The following EFCAB5 variants were observed in gnomAD, a reference collection of about 807,000 sequenced individuals.
EFCAB5 encodes the protein EF-hand calcium binding domain 5.
Under a neutral mutation model 167.9 loss-of-function variants are expected in EFCAB5, and 131 were observed. The observed-to-expected ratio is 0.78, with a 90% confidence interval of 0.68 to 0.90. The LOEUF is 0.90. EFCAB5 is among the 40% of genes least tolerant of loss of function. EFCAB5 has a pLI of 0.00. For synonymous variants in EFCAB5, 574 were observed against 602.8 expected (o/e 0.95, Z 0.70); for missense variants, 1,663 against 1,745.2 (o/e 0.95, Z 0.84).
At chr17:29,990,839 C>G (rs758781700) in intron 4 of EFCAB5, among the ~76,000 whole-genome samples, 1 of 152,158 alleles carries the variant, frequency 6.6e-6, no homozygotes, top group Non-Finnish European at 1.5e-5. Flanking sequence ...CGAGGTGCTG[C>G]TCGAACAGTC....
chr17:30,057,802 C>T lies in EFCAB5; in HGVS notation c.2492C>T (p.Ala831Val). ...CTGGAGACATTTGTTGGTGAAGACGCTCCCTTGAGTGTCAGCGAGACTCTC... is the reference window on the plus strand; with the variant it reads ...CTGGAGACATTTGTTGGTGAAGACGTTCCCTTGAGTGTCAGCGAGACTCTC... Reference protein sequence around the residue: ...QLLETFVGEDAPLSVSETLTS... With the variant: ...QLLETFVGEDVPLSVSETLTS... The change falls in exon 13 of 23, where the codon GCT (alanine) becomes GTT (valine). Residue 831 changes from alanine to valine, a missense_variant. Ala to Val is a moderately conservative substitution (Grantham distance 64). Transcript: ENST00000394835. The T allele has an allele frequency of 1.2e-6, 2 of 1,613,812 alleles. No homozygotes were observed. The highest frequency in any genetic ancestry group is 1.7e-6 in the Non-Finnish European group (2 of 1,179,784).
chr17:30,064,058 A>ACGCCTGTAATCCCAGCACTTTGGGAGGC (rs2070496378), intron 14 of EFCAB5, among the ~76,000 whole-genome samples: 2 of 151,962 alleles, frequency 1.3e-5, no homozygotes, highest in African/African-American at 4.8e-5. Context: ...ATTGGAAGAG[A>ACGCCTGTAATCCCAGCACTTTGGGAGGC]CAATTGTTCC....
At chr17:29,961,378 T>C (rs2067716751) in intron 3 of EFCAB5, among the ~76,000 whole-genome samples, 1 of 152,232 alleles carries the variant, frequency 6.6e-6, no homozygotes, top group South Asian at 2.1e-4. Context: ...GTTATATGCT[T>C]TACAAATATT....
chr17:30,048,493 T>C (rs2151767153), intron 8 of EFCAB5, among the ~76,000 whole-genome samples: 1 of 148,322 alleles, frequency 6.7e-6, no homozygotes, highest in South Asian at 2.1e-4. Context: ...GGATACTTCT[T>C]TTTTTTTTTT....
chr17:30,042,951 A>T (rs2069814742), intron 8 of EFCAB5, among the ~76,000 whole-genome samples: 1 of 152,180 alleles, frequency 6.6e-6, no homozygotes, highest in Non-Finnish European at 1.5e-5. Context: ...AGGATCAAAT[A>T]GAGCTTAATC....
intron 7 of EFCAB5, among the ~76,000 whole-genome samples, chr17:30,009,499 GTT>G (rs1463665097): frequency 6.6e-6 from 1 of 152,052 alleles, no homozygotes; most frequent in African/African-American, 2.4e-5. Context: ...GTGGTCTTTT[GTT>G]TTTGGCTTCT....
At position 30,059,686 on chromosome 17, in the gene EFCAB5, G is replaced by C. The variant is rs1194630533; in HGVS notation, c.2722G>C (p.Glu908Gln). 1 of 1,589,594 alleles carries C rather than the reference G, an allele frequency of 6.3e-7. No individual in the cohort carries two copies. Among genetic ancestry groups the C allele is most frequent in the Non-Finnish European group, 8.6e-7 (1 of 1,167,722 alleles). The change falls in exon 14 of 23, where the codon GAA (glutamate) becomes CAA (glutamine). Residue 908 changes from glutamate (E) to glutamine (Q), a missense_variant. By Grantham distance (29) the Glu-to-Gln change is conservative. Transcript: ENST00000394835. ...CACATACAAGGAGGGAATGGAAAAA[G>C]AATCTATGAAGAAAGGTAAAATATA... ...LYTYKEGMEK[E>Q]SMKKAKLHIQ...
chr17:30,017,741 A>G (rs1225485691), intron 7 of EFCAB5, among the ~76,000 whole-genome samples: 2 of 152,160 alleles, frequency 1.3e-5, no homozygotes, highest in Non-Finnish European at 2.9e-5. Context: ...ACCATAAAAG[A>G]TGAGAGTATT....
chr17:29,980,854 T>G (rs183540482), intron 4 of EFCAB5, among the ~76,000 whole-genome samples: 1 of 152,310 alleles, frequency 6.6e-6, no homozygotes, highest in Non-Finnish European at 1.5e-5. Flanking sequence ...CATAAGCACC[T>G]CAGTTTCAAG....
In EFCAB5 at chr17:30,090,428, C is replaced by T. The variant is rs761469105; in HGVS notation, c.3691C>T (p.Leu1231Phe). Residue 1231 changes from leucine (L) to phenylalanine (F), a missense_variant, in exon 20 of 23, where the codon CTC becomes TTC. Transcript: ENST00000394835. ...HRKSCIFRDF[L>F]FKCTDSSEVV... ...ATTTGGTTTTGATTTCAGAGATTTC[C>T]TCTTTAAATGTACTGACAGTTCAGA... 21 of 1,610,364 alleles carry T rather than the reference C, an allele frequency of 1.3e-5. No homozygotes were observed. The highest frequency in any genetic ancestry group is 1.7e-5 in the Non-Finnish European group (20 of 1,178,648).
intron 8 of EFCAB5, among the ~76,000 whole-genome samples, chr17:30,047,089 G>A (rs1045681076): frequency 6.6e-6 from 1 of 152,120 alleles, no homozygotes; most frequent in Admixed American, 6.5e-5. Flanking sequence ...TATATACTTA[G>A]CAGTAACATT....
chr17:30,047,356 C>T (rs564239894), intron 8 of EFCAB5, among the ~76,000 whole-genome samples: 1 of 152,118 alleles, frequency 6.6e-6, no homozygotes, highest in Non-Finnish European at 1.5e-5. Context: ...ACGAGGGGAG[C>T]ACCAATATCA....
At chr17:29,955,035 G>A (rs577124360) in intron 3 of EFCAB5, among the ~76,000 whole-genome samples, 87 of 152,342 alleles carry the variant, frequency 5.7e-4, no homozygotes, top group African/African-American at 1.9e-3. Context: ...CCCAATGCCT[G>A]TACCCCCATT....
chr17:30,070,949 C>CAAAAA (rs35019863), intron 14 of EFCAB5, among the ~76,000 whole-genome samples: 15 of 60,166 alleles, frequency 2.5e-4, no homozygotes, highest in Admixed American at 5.0e-4. Context: ...GATTCCATCT[C>CAAAAA]AAAAAAAAAA....
At chr17:30,089,820 C>T (rs1352070562) in intron 19 of EFCAB5, among the ~76,000 whole-genome samples, 2 of 152,220 alleles carry the variant, frequency 1.3e-5, no homozygotes, top group Non-Finnish European at 2.9e-5. Flanking sequence ...AAAAACCCCT[C>T]CCTTTGCCTC....
upstream of EFCAB5, among the ~76,000 whole-genome samples, chr17:29,938,325 C>T (rs2067262434): frequency 1.3e-5 from 2 of 152,136 alleles, no homozygotes; most frequent in African/African-American, 4.8e-5. Context: ...AAAATGCTAA[C>T]AATCGTATGA....
chr17:29,955,345 G>T (rs959954584), intron 3 of EFCAB5, among the ~76,000 whole-genome samples: 1 of 152,134 alleles, frequency 6.6e-6, no homozygotes, highest in African/African-American at 2.4e-5. Flanking sequence ...AATCATAGGG[G>T]TGGGTCTTTT....
At chr17:29,934,591 T>G (rs2067229913) in intron 1 of EFCAB5, among the ~76,000 whole-genome samples, 1 of 152,226 alleles carries the variant, frequency 6.6e-6, no homozygotes, top group Admixed American at 6.5e-5. Flanking sequence ...TTTCCTGGCC[T>G]TATCTGAGGC....
intron 14 of EFCAB5, among the ~76,000 whole-genome samples, chr17:30,065,273 T>C (rs986206588): frequency 1.3e-5 from 2 of 152,202 alleles, no homozygotes; most frequent in East Asian, 1.9e-4. Context: ...ATTAACAAAA[T>C]GACAGGAGTA....
Sources: allele counts gnomAD v4.1 joint callset (sites outside exome capture counted in the v4.1 genomes callset), GRCh38; gene constraint gnomAD v4.1.1; transcripts MANE v1.5; gene names NCBI Gene and HGNC (gene_info 2026-07-23, HGNC 2026-07-21).